RSPO4: variants seen among roughly 807,000 people sequenced by gnomAD.
RSPO4 encodes the protein R-spondin-4.
RSPO4 carries 23 observed loss-of-function variants against 24.8 expected under a neutral mutation model. That is an observed-to-expected ratio of 0.93 (90% CI 0.67 to 1.31). The LOEUF is 1.31. RSPO4 is among the 40% of genes most tolerant of loss of function. The pLI is 0.00. For missense variants in RSPO4, 333 were observed against 316.5 expected (o/e 1.05, Z -0.39); for synonymous variants, 141 against 127.4 (o/e 1.11, Z -0.72).
At chr20:978,886 G>A (rs766948460) in intron 1 of RSPO4, among the ~76,000 whole-genome samples, 14 of 151,950 alleles carry the variant, frequency 9.2e-5, no homozygotes, top group Non-Finnish European at 1.3e-4. Flanking sequence ...GCAAATCCCC[G>A]CTAAGGTGCC....
chr20:998,014 T>C (rs1454449225), intron 1 of RSPO4, among the ~76,000 whole-genome samples: 4 of 152,210 alleles, frequency 2.6e-5, no homozygotes, highest in Non-Finnish European at 4.4e-5. Context: ...TGGACTGCAG[T>C]AAATCTTCCC....
chr20:999,005 G>A (rs1248166909), intron 1 of RSPO4, among the ~76,000 whole-genome samples: 21 of 67,502 alleles, frequency 3.1e-4, no homozygotes, highest in African/African-American at 1.1e-3. Context: ...TTTTTTTTTT[G>A]AGACAGGGTC....
chr20:964,051 G>C lies in RSPO4; in HGVS notation c.479C>G (p.Ala160Gly). The C allele has an allele frequency of 1.2e-6, 2 of 1,613,732 alleles. No individual in the cohort carries two copies. Among genetic ancestry groups the C allele is most frequent in the Non-Finnish European group, 1.7e-6 (2 of 1,180,034 alleles). ...CTHNGKTCGS[A>G]WGLESRVREA... ...TCGTACCCGGCTCTCCAGGCCCCAA[G>C]CCGAGCCGCAGGTCTTTCCATTGTG... is the stretch of plus-strand genomic sequence containing the variant. The change falls in exon 4 of 5, where the codon GCT becomes GGT. Residue 160 changes from alanine (A) to glycine (G), a missense_variant. By Grantham distance (60) the Ala-to-Gly change is moderately conservative. Transcript: ENST00000217260.
intron 2 of RSPO4, 34 bp downstream of exon 2, chr20:967,916 A>C: frequency 6.2e-7 from 1 of 1,602,748 alleles, no homozygotes; most frequent in South Asian, 1.1e-5. Context: ...CTAGGAGCCC[A>C]GCACTAGCAT....
chr20:967,917 G>A, intron 2 of RSPO4, 33 bp downstream of exon 2: 1 of 1,601,490 alleles, frequency 6.2e-7, no homozygotes, highest in South Asian at 1.1e-5. Context: ...TAGGAGCCCA[G>A]CACTAGCATA....
rs1985334275 is a variant in RSPO4 at position 997,555 on chromosome 20, CTGTAGGAATCCCT to C, written c.79+4518_79+4530del. On this transcript the variant is annotated intron_variant, in intron 1 of 4. Coordinates refer to ENST00000217260, the MANE Select transcript of RSPO4 (RefSeq NM_001029871.4). ...TGTCCAGTCATTACCCACCCCTGCC[CTGTAGGAATCCCT>C]TTCAGAACTACCCCTGCATCTAAAC... 4.6e-5 allele frequency among the ~76,000 whole-genome samples: 7 copies of C among 152,198 alleles called. No homozygotes were observed. In the South Asian group the frequency reaches 1.4e-3, roughly 32 times the overall value.
intron 4 of RSPO4, among the ~76,000 whole-genome samples, chr20:963,375 T>C (rs1467415387): frequency 6.6e-6 from 1 of 152,130 alleles, no homozygotes; most frequent in Non-Finnish European, 1.5e-5. Context: ...CAATCAGAGA[T>C]CAATTGGGTT....
At chr20:993,795 T>C (rs6086810) in intron 1 of RSPO4, among the ~76,000 whole-genome samples, 26,173 of 152,182 alleles carry the variant, frequency 0.17, 2,749 homozygotes, top group African/African-American at 0.29. Flanking sequence ...TCAATGAATG[T>C]GCCTCTCTTT....
intron 1 of RSPO4, among the ~76,000 whole-genome samples, chr20:1,001,324 T>C (rs916328794): frequency 6.6e-6 from 1 of 152,210 alleles, no homozygotes; most frequent in Admixed American, 6.5e-5. Context: ...TACCAACTCC[T>C]GCTCTGCAGG....
At chr20:983,830 T>C (rs1482946641) in intron 1 of RSPO4, among the ~76,000 whole-genome samples, 1 of 152,090 alleles carries the variant, frequency 6.6e-6, no homozygotes, top group African/African-American at 2.4e-5. Flanking sequence ...TCCTGCAAGA[T>C]GGGTAGTATT....
In RSPO4 at chr20:1,002,029, G is replaced by T; in HGVS notation, c.79+57C>A. On this transcript the variant is annotated intron_variant, in intron 1 of 4. Transcript: ENST00000217260. The surrounding 1 kb of genome is among the most constrained non-coding windows in gnomAD (Gnocchi z 4.6). ...CAGAGCCGCCGCCCCCGGTCCTCCG[G>T]CCCCCGGTCTGCCCCGCAGCGCCTG... is the stretch of plus-strand genomic sequence containing the variant. The T allele has an allele frequency of 6.8e-7, 1 of 1,460,460 alleles. No homozygotes were observed. The allele number at this position is 1,460,460 out of a possible 1,614,324, so 90.5% of individuals were successfully genotyped here. A position where few individuals can be genotyped will look rare whatever the true frequency, so the allele number is the denominator to read the frequency against.
chr20:990,182 G>C (rs1035739492), intron 1 of RSPO4, among the ~76,000 whole-genome samples: 4 of 152,150 alleles, frequency 2.6e-5, no homozygotes, highest in African/African-American at 9.7e-5. Flanking sequence ...CTGCCAGCTG[G>C]GCTTCCAAAG....
At chr20:968,272 C>T (rs1348859692) in intron 1 of RSPO4, 134 bp from the exon 2 acceptor site, 1 of 739,008 alleles carries the variant, frequency 1.4e-6, no homozygotes, top group Non-Finnish European at 2.3e-6. Flanking sequence ...ACTACATTTC[C>T]CACCTTCCCT....
chr20:986,234 A>G (rs1984916911), intron 1 of RSPO4, among the ~76,000 whole-genome samples: 1 of 152,170 alleles, frequency 6.6e-6, no homozygotes, highest in African/African-American at 2.4e-5. Context: ...GAGGGCATGG[A>G]TGGAGGCAGA....
At chr20:973,399 C>A (rs1984467507) in intron 1 of RSPO4, among the ~76,000 whole-genome samples, 1 of 152,250 alleles carries the variant, frequency 6.6e-6, no homozygotes. Flanking sequence ...AGGCAGCCAA[C>A]TGCAAAGAAG....
chr20:997,824 C>G (rs1985342625), intron 1 of RSPO4, among the ~76,000 whole-genome samples: 1 of 152,152 alleles, frequency 6.6e-6, no homozygotes, highest in African/African-American at 2.4e-5. Flanking sequence ...AAAACAAGCT[C>G]AGAGAGAGGA....
intron 1 of RSPO4, among the ~76,000 whole-genome samples, chr20:984,642 G>A (rs2122245811): frequency 6.6e-6 from 1 of 152,244 alleles, no homozygotes; most frequent in South Asian, 2.1e-4. Flanking sequence ...CATCTTCAAG[G>A]ACCCTATTCT....
rs182211417 is a variant in RSPO4, at chr20:992,387, A to T, written c.79+9699T>A. ...GGTCACTGTGCCACAGTCACACAGC[A>T]CTTAGGACCACCCTATCCTCTGAAT... On this transcript the variant is annotated intron_variant, in intron 1 of 4. Transcript: ENST00000217260. 2.8e-4 allele frequency among the ~76,000 whole-genome samples: 43 copies of T among 151,030 alleles called. 1 individual carries two copies. The highest frequency in any genetic ancestry group is 2.8e-3 in the Admixed American group (42 of 15,072).
intron 1 of RSPO4, 43 bp from the exon 2 acceptor site, chr20:968,181 G>A (rs1389696954): frequency 6.3e-7 from 1 of 1,584,028 alleles, no homozygotes; most frequent in East Asian, 2.2e-5. Context: ...AAGGGAGAGA[G>A]AGATGGTCAA....
Sources: gnomAD v4.1 joint callset for allele counts (sites outside exome capture counted in the v4.1 genomes callset) on GRCh38, gnomAD v4.1.1 for gene constraint, Gnocchi (gnomAD v3.1) non-coding constraint, MANE v1.5 for transcripts, NCBI Gene and HGNC (gene_info 2026-07-23, HGNC 2026-07-21) for gene names.